LANCL3: variants seen among roughly 807,000 people sequenced by gnomAD.
LANCL3 encodes LanC like family member 3.
LANCL3 carries 19 observed loss-of-function variants against 26.5 expected under a neutral mutation model. The ratio of observed to expected loss-of-function variants is 0.72; its 90% confidence interval spans 0.50 to 1.05. The LOEUF (loss-of-function observed/expected upper bound fraction) is 1.05, where lower values mean the gene tolerates loss of function less well. LANCL3 is among the 50% of genes least tolerant of loss of function. The pLI is 0.00. For synonymous variants in LANCL3, 160 were observed against 166.6 expected (o/e 0.96, Z 0.30); for missense variants, 318 against 362.7 (o/e 0.88, Z 1.00).
intron 1 of LANCL3, among the ~76,000 whole-genome samples, chrX:37,587,847 C>G (rs1924149953): frequency 8.9e-6 from 1 of 112,151 alleles, no homozygotes; most frequent in African/African-American, 3.2e-5. Context: ...GACCCAGTAC[C>G]TTAGTTGGAA....
intron 1 of LANCL3, among the ~76,000 whole-genome samples, chrX:37,640,459 A>G (rs1180536819): frequency 1.8e-5 from 2 of 111,692 alleles, no homozygotes; most frequent in Non-Finnish European, 3.8e-5. Flanking sequence ...ACATGTGAGG[A>G]TTACGATTTG....
chrX:37,628,296 C>A (rs1925372817), intron 1 of LANCL3, among the ~76,000 whole-genome samples: 1 of 111,044 alleles, frequency 9.0e-6, no homozygotes, highest in Non-Finnish European at 1.9e-5. Flanking sequence ...ACATCATACA[C>A]ATCCAAATTG....
intron 1 of LANCL3, among the ~76,000 whole-genome samples, chrX:37,621,961 T>G (rs1391114706): frequency 1.8e-5 from 2 of 111,652 alleles, no homozygotes; most frequent in Non-Finnish European, 3.8e-5. Flanking sequence ...TTCTGTGGCC[T>G]GGGATGACTC....
intron 1 of LANCL3, 118 bp downstream of exon 1, chrX:37,572,561 G>T (rs1309704774): frequency 2.3e-4 from 136 of 584,289 alleles, no homozygotes; most frequent in Non-Finnish European, 3.5e-4. Context: ...GTTACTCTTG[G>T]TGTGGTGCTA....
intron 1 of LANCL3, among the ~76,000 whole-genome samples, chrX:37,583,173 G>T (rs181287217): frequency 0.045 from 4,991 of 111,171 alleles, 295 homozygotes; most frequent in African/African-American, 0.15. Context: ...TCCATTGATC[G>T]ATATCTCTGT....
At chrX:37,654,967 C>T (rs1374635897) in intron 1 of LANCL3, among the ~76,000 whole-genome samples, 1 of 112,410 alleles carries the variant, frequency 8.9e-6, no homozygotes, top group Admixed American at 9.4e-5. Flanking sequence ...AAACATATGG[C>T]TAACCTGAGC....
chrX:37,595,615 G>A (rs1556419424), intron 1 of LANCL3, among the ~76,000 whole-genome samples: 4 of 112,500 alleles, frequency 3.6e-5, no homozygotes. Flanking sequence ...GTGCTGACAA[G>A]TAGAACTCTC....
At chrX:37,632,352 C>T (rs1395806854) in intron 1 of LANCL3, among the ~76,000 whole-genome samples, 2 of 111,481 alleles carry the variant, frequency 1.8e-5, no homozygotes, top group African/African-American at 6.6e-5. Flanking sequence ...TGTGTCTCTG[C>T]ATGTGAGATG....
At chrX:37,593,037 T>C (rs782562917) in intron 1 of LANCL3, among the ~76,000 whole-genome samples, 9 of 112,239 alleles carry the variant, frequency 8.0e-5, no homozygotes, top group African/African-American at 2.3e-4. Flanking sequence ...ACTAGAATTC[T>C]ATAGCAGCCA....
At chrX:37,674,828 C>A (rs1926758035) in intron 4 of LANCL3, among the ~76,000 whole-genome samples, 1 of 111,019 alleles carries the variant, frequency 9.0e-6, no homozygotes, top group African/African-American at 3.3e-5. Flanking sequence ...AGCGCTTGGG[C>A]CTTACCAAGC....
At chrX:37,637,060 A>C (rs955838538) in intron 1 of LANCL3, among the ~76,000 whole-genome samples, 16 of 111,852 alleles carry the variant, frequency 1.4e-4, no homozygotes, top group African/African-American at 4.9e-4. Context: ...AATTATCTCC[A>C]CAACAGCTTT....
chrX:37,629,658 T>C lies in LANCL3; in HGVS notation c.574-26030T>C, dbSNP rs1371241334. Among the ~76,000 whole-genome samples, 28 of 109,485 alleles carry C rather than the reference T, an allele frequency of 2.6e-4. No individual in the cohort carries two copies. The Admixed American group carries it at 2.7e-3, about 11-fold the overall frequency. On this transcript the variant is annotated intron_variant, in intron 1 of 4. Coordinates refer to ENST00000378619, the MANE Select transcript of LANCL3 (RefSeq NM_001170331.2). ...TAAGGAAGGGATCCAGTTTCAGCTTTCTACATATGGCTAGCCAGTTTTCAC... is the reference window on the plus strand; with the variant it reads ...TAAGGAAGGGATCCAGTTTCAGCTTCCTACATATGGCTAGCCAGTTTTCAC...
intron 1 of LANCL3, among the ~76,000 whole-genome samples, chrX:37,620,376 A>T (rs1925124070): frequency 8.9e-6 from 1 of 112,158 alleles, no homozygotes; most frequent in Non-Finnish European, 1.9e-5. Flanking sequence ...TGGAAAGATA[A>T]CTGGTAACAC....
chrX:37,650,498 CTATT>C (rs1362558865), intron 1 of LANCL3, among the ~76,000 whole-genome samples: 1 of 102,491 alleles, frequency 9.8e-6, no homozygotes, highest in Non-Finnish European at 2.0e-5. Context: ...ATATTCATAT[CTATT>C]CTAGTTAGGC....
intron 1 of LANCL3, among the ~76,000 whole-genome samples, chrX:37,600,445 A>T (rs782770603): frequency 1.8e-4 from 20 of 111,802 alleles, no homozygotes; most frequent in Non-Finnish European, 3.4e-4. Context: ...TTAATAAATG[A>T]CCCATTAGGG....
intron 1 of LANCL3, among the ~76,000 whole-genome samples, chrX:37,618,976 CT>C (rs1925082170): frequency 9.0e-6 from 1 of 111,182 alleles, no homozygotes; most frequent in Non-Finnish European, 1.9e-5. Flanking sequence ...TCCTCTCACT[CT>C]TAATCCTAGT....
At chrX:37,572,781 T>C (rs1923641376) in intron 1 of LANCL3, among the ~76,000 whole-genome samples, 1 of 112,007 alleles carries the variant, frequency 8.9e-6, no homozygotes, top group Non-Finnish European at 1.9e-5. Context: ...GGGATTTCCT[T>C]TCCTTTGACT....
intron 1 of LANCL3, among the ~76,000 whole-genome samples, chrX:37,610,502 A>G (rs1556421032): frequency 2.7e-5 from 3 of 111,469 alleles, no homozygotes; most frequent in Non-Finnish European, 3.8e-5. Flanking sequence ...GTTTTCAATT[A>G]GTATTTACAA....
At position 37,678,348 on chromosome X, in the gene LANCL3, T is replaced by C. The variant is rs1187409755; in HGVS notation, c.*2535T>C. ...TTATCCAACTTGCCCCCCTTCTCTGTGGTAGCATTTTTAATGTAGTACTTA... is the reference window on the plus strand; with the variant it reads ...TTATCCAACTTGCCCCCCTTCTCTGCGGTAGCATTTTTAATGTAGTACTTA... On this transcript the variant is annotated 3_prime_UTR_variant, in exon 5 of 5. Coordinates refer to ENST00000378619, the MANE Select transcript of LANCL3 (RefSeq NM_001170331.2). 1.8e-5 allele frequency: 2 copies of C among 110,937 alleles called. No homozygotes were observed. Among genetic ancestry groups the C allele is most frequent in the African/African-American group, 6.5e-5 (2 of 30,593 alleles). The allele number at this position is 110,937 out of a possible 1,213,427, so 9.1% of individuals were successfully genotyped here. A position where few individuals can be genotyped will look rare whatever the true frequency, so the allele number is the denominator to read the frequency against.
Sources: gnomAD v4.1 joint callset for allele counts (sites outside exome capture counted in the v4.1 genomes callset) on GRCh38, gnomAD v4.1.1 for gene constraint, MANE v1.5 for transcripts, NCBI Gene and HGNC (gene_info 2026-07-23, HGNC 2026-07-21) for gene names.